Variants in AGMO observed in about 807,000 individuals in gnomAD.
The protein encoded by AGMO is glyceryl-ether monooxygenase.
AGMO carries 75 observed loss-of-function variants against 60.2 expected under a neutral mutation model. That is an observed-to-expected ratio of 1.25 (90% confidence interval 1.03 to 1.51). The LOEUF (loss-of-function observed/expected upper bound fraction) is 1.51. AGMO is among the 40% of genes most tolerant of loss of function. AGMO has a pLI of 0.00. For synonymous variants in AGMO, 261 were observed against 177.1 expected (o/e 1.47, Z -3.76); for missense variants, 763 against 525.5 (o/e 1.45, Z -4.42).
chr7:15,432,183 C>G (rs1781262224), intron 3 of AGMO, among the ~76,000 whole-genome samples: 2 of 151,338 alleles, frequency 1.3e-5, no homozygotes. Context: ...TGTATAGGAA[C>G]TAAACAGTGA....
chr7:15,402,779 T>A (rs966252731), intron 5 of AGMO, among the ~76,000 whole-genome samples: 1 of 151,398 alleles, frequency 6.6e-6, no homozygotes, highest in Non-Finnish European at 1.5e-5. Flanking sequence ...TTTCAGAGCG[T>A]TAAAACCTGT....
the AGMO span, among the ~76,000 whole-genome samples, chr7:15,130,975 T>C: frequency 1.2e-3 from 180 of 152,266 alleles, 2 homozygotes; most frequent in African/African-American, 4.3e-3. Context: ...ATCAGAATAA[T>C]TTATTAAGCT....
the AGMO span, among the ~76,000 whole-genome samples, chr7:15,133,135 CT>C: frequency 6.6e-6 from 1 of 152,040 alleles, no homozygotes; most frequent in South Asian, 2.1e-4. Flanking sequence ...AGCTATTTAG[CT>C]TTTTGAGAAG....
At chr7:15,453,092 C>T (rs1781897311) in intron 3 of AGMO, among the ~76,000 whole-genome samples, 1 of 151,226 alleles carries the variant, frequency 6.6e-6, no homozygotes, top group Non-Finnish European at 1.5e-5. Context: ...GAAGTCATTG[C>T]TAATGGGCAC....
At chr7:15,321,046 G>A (rs760545820) in intron 12 of AGMO, among the ~76,000 whole-genome samples, 1 of 152,092 alleles carries the variant, frequency 6.6e-6, no homozygotes, top group Non-Finnish European at 1.5e-5. Flanking sequence ...ACTTTTGAGA[G>A]GACTATTTCA....
Position 15,305,626 on chromosome 7 carries a change from A to T in AGMO, c.1263+59888T>A, listed in dbSNP as rs113190338. On this transcript the variant is annotated intron_variant, in intron 12 of 12. Transcript: ENST00000342526. ...TTCAAAATTACATTCCTATATATAT[A>T]TTTATATGATTTGGCTGTATATCTG... 8.5e-5 allele frequency among the ~76,000 whole-genome samples: 13 copies of T among 152,120 alleles called. 1 individual carries two copies. The highest frequency in any genetic ancestry group is 3.1e-4 in the African/African-American group (13 of 41,544).
At chr7:15,410,907 T>G (rs1021180474) in intron 5 of AGMO, among the ~76,000 whole-genome samples, 4 of 151,922 alleles carry the variant, frequency 2.6e-5, no homozygotes, top group African/African-American at 9.7e-5. Context: ...AACTACATTT[T>G]TAATCCTCAC....
the AGMO span, among the ~76,000 whole-genome samples, chr7:15,137,007 A>G: frequency 2.0e-5 from 3 of 152,190 alleles, no homozygotes; most frequent in South Asian, 2.1e-4. Flanking sequence ...TAAGATGCCA[A>G]TAAGATATTC....
chr7:15,195,166 C>A, the AGMO span, among the ~76,000 whole-genome samples: 1 of 152,116 alleles, frequency 6.6e-6, no homozygotes, highest in African/African-American at 2.4e-5. Context: ...CCAAACCTAA[C>A]CCCCTGTATA....
intron 2 of AGMO, among the ~76,000 whole-genome samples, chr7:15,545,696 G>C (rs2115282695): frequency 6.6e-6 from 1 of 151,992 alleles, no homozygotes; most frequent in African/African-American, 2.4e-5. Flanking sequence ...TATTTATCAA[G>C]CTTCCACAAA....
At chr7:15,172,713 GA>G in the AGMO span, among the ~76,000 whole-genome samples, 1 of 151,726 alleles carries the variant, frequency 6.6e-6, no homozygotes, top group Non-Finnish European at 1.5e-5. Flanking sequence ...GAGGTGTGAG[GA>G]AGAATTATGC....
intron 12 of AGMO, among the ~76,000 whole-genome samples, chr7:15,308,222 AC>A (rs566248819): frequency 7.5e-4 from 114 of 152,132 alleles, no homozygotes; most frequent in African/African-American, 2.7e-3. Flanking sequence ...TCAGACTTTT[AC>A]CCCTCACACA....
the AGMO span, among the ~76,000 whole-genome samples, chr7:15,172,660 G>A: frequency 1.2e-4 from 19 of 152,244 alleles, no homozygotes; most frequent in South Asian, 2.1e-3. Flanking sequence ...TCCAGTCCCA[G>A]TGGATTTTGA....
intron 3 of AGMO, among the ~76,000 whole-genome samples, chr7:15,525,327 G>A (rs1005131036): frequency 6.6e-6 from 1 of 152,058 alleles, no homozygotes; most frequent in Admixed American, 6.6e-5. Flanking sequence ...GGACTAGATT[G>A]AGAACCCTTC....
chr7:15,392,828 AAAC>A (rs77044692), intron 6 of AGMO, among the ~76,000 whole-genome samples: 16,520 of 135,430 alleles, frequency 0.12, 1,014 homozygotes, highest in South Asian at 0.19. Flanking sequence ...ACAAACAAAC[AAAC>A]AACTTTAAAT....
At chr7:15,487,185 T>C (rs1249128738) in intron 3 of AGMO, among the ~76,000 whole-genome samples, 1 of 152,158 alleles carries the variant, frequency 6.6e-6, no homozygotes, top group Non-Finnish European at 1.5e-5. Context: ...TCCAACTTGG[T>C]GAAAAATTCT....
intron 12 of AGMO, among the ~76,000 whole-genome samples, chr7:15,205,834 C>A (rs1344038854): frequency 6.6e-6 from 1 of 151,966 alleles, no homozygotes; most frequent in African/African-American, 2.4e-5. Flanking sequence ...TATACCCTGG[C>A]CCTAAATGGA....
At chr7:15,279,926 G>A (rs187560689) in intron 12 of AGMO, among the ~76,000 whole-genome samples, 3 of 152,332 alleles carry the variant, frequency 2.0e-5, no homozygotes, top group Admixed American at 1.3e-4. Flanking sequence ...AGCATGGACC[G>A]AGGGAAGTTA....
chr7:15,369,805 A>C (rs976997522), intron 10 of AGMO, among the ~76,000 whole-genome samples: 3 of 152,164 alleles, frequency 2.0e-5, no homozygotes, highest in Non-Finnish European at 4.4e-5. Flanking sequence ...ATGTTTATTG[A>C]AAGACTGATA....
Sources: gnomAD v4.1 joint callset for allele counts (sites outside exome capture counted in the v4.1 genomes callset) on GRCh38, gnomAD v4.1.1 for gene constraint, MANE v1.5 for transcripts, NCBI Gene and HGNC (gene_info 2026-07-23, HGNC 2026-07-21) for gene names.